SLC8A2: variants seen among roughly 807,000 people sequenced by gnomAD.
The protein encoded by SLC8A2 is sodium/calcium exchanger 2.
A neutral mutation model predicts 70.2 loss-of-function variants in SLC8A2; 14 were observed. The observed-to-expected ratio is 0.20, with a 90% CI of 0.13 to 0.31. The LOEUF is 0.31. SLC8A2 is among the 10% of genes least tolerant of loss of function. The pLI is 1.00. For missense variants in SLC8A2, 779 were observed against 1,320.1 expected (o/e 0.59, Z 6.35); for synonymous variants, 575 against 594.3 (o/e 0.97, Z 0.47).
chr19:47,452,800 G>A (rs879081420), intron 3 of SLC8A2, among the ~76,000 whole-genome samples: 53 of 152,126 alleles, frequency 3.5e-4, no homozygotes, highest in African/African-American at 1.3e-3. Context: ...TGGGAGGCCG[G>A]GGTGGATGGG....
chr19:47,447,432 A>C lies in SLC8A2; in HGVS notation c.1763+377T>G. On this transcript the variant is annotated intron_variant, in intron 4 of 9. Coordinates refer to ENST00000236877, the MANE Select transcript of SLC8A2 (RefSeq NM_015063.3). The surrounding 1 kb of genome is among the most constrained non-coding windows in gnomAD (Gnocchi z 5.1). ...CCTTCCTCCTTGGGGCCCTCTTCTCACCTGTCCGGCCACCCTTCTAGGCCT... is the reference window on the plus strand; with the variant it reads ...CCTTCCTCCTTGGGGCCCTCTTCTCCCCTGTCCGGCCACCCTTCTAGGCCT... 1 of 277,134 alleles carries C rather than the reference A, an allele frequency of 3.6e-6. No individual in the cohort carries two copies. Among genetic ancestry groups the C allele is most frequent in the Non-Finnish European group, 6.8e-6 (1 of 146,170 alleles). 17.2% of individuals were successfully genotyped at this position (277,134 alleles called of 1,614,324 possible). A position where few individuals can be genotyped will look rare whatever the true frequency, so the allele number is the denominator to read the frequency against.
chr19:47,456,839 A>G, intron 3 of SLC8A2, 91 bp downstream of exon 3: 1 of 1,231,414 alleles, frequency 8.1e-7, no homozygotes. Context: ...TGCAGGAGTC[A>G]GTTGGGAGGC....
At chr19:47,471,282 G>A (rs1042757581) in intron 1 of SLC8A2, among the ~76,000 whole-genome samples, 1 of 151,916 alleles carries the variant, frequency 6.6e-6, no homozygotes, top group East Asian at 1.9e-4. Flanking sequence ...GGCGCAAGAG[G>A]AAAGGAGAGA....
intron 2 of SLC8A2, among the ~76,000 whole-genome samples, chr19:47,462,819 C>T (rs1967412390): frequency 6.6e-6 from 1 of 152,056 alleles, no homozygotes; most frequent in African/African-American, 2.4e-5. Context: ...AACTCATGAC[C>T]TCAGGTGATC....
At chr19:47,439,390 G>C (rs146821870) in intron 6 of SLC8A2, among the ~76,000 whole-genome samples, 1 of 152,210 alleles carries the variant, frequency 6.6e-6, no homozygotes, top group Non-Finnish European at 1.5e-5. Context: ...AAATTAGCTA[G>C]GTGTGGTGGC....
intron 3 of SLC8A2, among the ~76,000 whole-genome samples, chr19:47,456,074 C>T (rs698701): frequency 0.99 from 150,696 of 152,362 alleles, 74,548 homozygotes; most frequent in Middle Eastern, 1. Flanking sequence ...TCCCATGGTA[C>T]ACCCATTGGC....
rs138290322 is a variant in SLC8A2 at position 47,469,004 on chromosome 19, C to T, written c.-16-2585G>A. 9.8e-3 allele frequency among the ~76,000 whole-genome samples: 1,494 copies of T among 152,236 alleles called. 22 individuals carry two copies. The highest frequency in any genetic ancestry group is 0.034 in the African/African-American group (1,413 of 41,536). ...CTGAGAGTCTAACCCACAGCCTGTC[C>T]CCAACTCACACCTACATACCCATGG... On this transcript the variant is annotated intron_variant, in intron 1 of 9. Coordinates refer to ENST00000236877, the MANE Select transcript of SLC8A2 (RefSeq NM_015063.3).
chr19:47,460,045 C>G (rs888600350), intron 2 of SLC8A2, among the ~76,000 whole-genome samples: 1 of 152,164 alleles, frequency 6.6e-6, no homozygotes, highest in African/African-American at 2.4e-5. Flanking sequence ...CCCCCATCAC[C>G]TGGGGGTGCC....
intron 8 of SLC8A2, 66 bp downstream of exon 8, chr19:47,437,396 C>T (rs556516578): frequency 1.8e-5 from 21 of 1,142,170 alleles, no homozygotes; most frequent in Admixed American, 6.9e-5. Context: ...CCATTCATTT[C>T]TCCCCCTTTC....
At chr19:47,438,110 C>T in intron 6 of SLC8A2, 137 bp from the exon 7 acceptor site, 1 of 1,025,020 alleles carries the variant, frequency 9.8e-7, no homozygotes. Context: ...CTCCTCCCAG[C>T]CTCCCACCTG....
At chr19:47,449,471 G>T (rs1029317727) in intron 3 of SLC8A2, among the ~76,000 whole-genome samples, 28 of 152,232 alleles carry the variant, frequency 1.8e-4, no homozygotes, top group African/African-American at 6.0e-4. Context: ...ACAGGCGCCT[G>T]CCACCATGCC....
At position 47,452,044 on chromosome 19, in the gene SLC8A2, T is replaced by C. The variant is rs140083195; in HGVS notation, c.1341-3813A>G. Among the ~76,000 whole-genome samples the C allele has an allele frequency of 2.8e-4, 43 of 152,212 alleles. 1 individual carries two copies. The Middle Eastern group carries it at 0.01, about 36-fold the overall frequency. Reference sequence around the variant, plus strand: ...GAAACACGGGCTGTGCATCACTCAATTGACGTTGAGTTAACAGTATCAATT... The same window carrying C: ...GAAACACGGGCTGTGCATCACTCAACTGACGTTGAGTTAACAGTATCAATT... On this transcript the variant is annotated intron_variant, in intron 3 of 9. Coordinates refer to ENST00000236877, the MANE Select transcript of SLC8A2 (RefSeq NM_015063.3).
chr19:47,447,732 G>T lies in SLC8A2; in HGVS notation c.1763+77C>A. The T allele has an allele frequency of 7.1e-7, 1 of 1,406,606 alleles. No individual in the cohort carries two copies. 87.1% of individuals were successfully genotyped at this position (1,406,606 alleles called of 1,614,324 possible). Reference sequence around the variant, plus strand: ...CACTATGTGGGCATGGCTCACCCAGGCCCCGCCCCTGAGCCACATCAGGCC... The same window carrying T: ...CACTATGTGGGCATGGCTCACCCAGTCCCCGCCCCTGAGCCACATCAGGCC... On this transcript the variant is annotated intron_variant, in intron 4 of 9. Coordinates refer to ENST00000236877, the MANE Select transcript of SLC8A2 (RefSeq NM_015063.3). This position sits in a 1 kb window ranked among gnomAD's most constrained non-coding sequence, Gnocchi z 5.1.
intron 3 of SLC8A2, among the ~76,000 whole-genome samples, chr19:47,456,555 A>G (rs1967305456): frequency 6.6e-6 from 1 of 152,192 alleles, no homozygotes; most frequent in Non-Finnish European, 1.5e-5. Context: ...AATCCCAGCA[A>G]CTCAAGAGGC....
intron 9 of SLC8A2, among the ~76,000 whole-genome samples, chr19:47,431,110 C>T (rs1966952404): frequency 6.6e-6 from 1 of 152,042 alleles, no homozygotes; most frequent in Non-Finnish European, 1.5e-5. Flanking sequence ...CTCACTGCAG[C>T]CTCATTTTCC....
In SLC8A2 at chr19:47,465,621, G is replaced by C; in HGVS notation, c.675+108C>G. 2 of 967,952 alleles carry C rather than the reference G, an allele frequency of 2.1e-6. No homozygotes were observed. The highest frequency in any genetic ancestry group is 3.0e-6 in the Non-Finnish European group (2 of 657,302). The allele number at this position is 967,952 out of a possible 1,614,324, so 60.0% of individuals were successfully genotyped here. ...CGTACTTGGCAGCCCTCTCAGATGT[G>C]AGTGTGCATTTCTGCAAATACAGCA... On this transcript the variant is annotated intron_variant, in intron 2 of 9. Transcript: ENST00000236877. The surrounding 1 kb of genome is among the most constrained non-coding windows in gnomAD (Gnocchi z 5.5).
At chr19:47,444,563 C>A (rs987245133) in intron 4 of SLC8A2, among the ~76,000 whole-genome samples, 3 of 152,220 alleles carry the variant, frequency 2.0e-5, no homozygotes, top group Non-Finnish European at 4.4e-5. Flanking sequence ...CACACCCTGA[C>A]ACACACAGAC....
intron 4 of SLC8A2, among the ~76,000 whole-genome samples, chr19:47,444,979 C>G (rs1967142595): frequency 1.3e-5 from 2 of 152,272 alleles, no homozygotes; most frequent in South Asian, 2.1e-4. Flanking sequence ...GGGTCAGTCT[C>G]TCTCCTCCAT....
rs1186643529 is a variant in SLC8A2 at position 47,430,359 on chromosome 19, G to A, written c.2496C>T (p.Val832=). The A allele has an allele frequency of 6.2e-7, 1 of 1,612,072 alleles. No individual in the cohort carries two copies. The highest frequency in any genetic ancestry group is 8.5e-7 in the Non-Finnish European group (1 of 1,179,474). Residue 832 remains valine, a synonymous_variant, in exon 10 of 10, where the codon GTC becomes GTT. Transcript: ENST00000236877. This position sits in a 1 kb window ranked among gnomAD's most constrained non-coding sequence, Gnocchi z 5.9. ...AGTACACGGCGGCCACAGACCAGGCGACGCCCAGGCCAAGGAACACGTTCA... is the reference window on the plus strand; with the variant it reads ...AGTACACGGCGGCCACAGACCAGGCAACGCCCAGGCCAAGGAACACGTTCA... ...NAVNVFLGLG[V]AWSVAAVYWA...
Sources: allele counts gnomAD v4.1 joint callset (sites outside exome capture counted in the v4.1 genomes callset), GRCh38; gene constraint gnomAD v4.1.1; non-coding constraint Gnocchi (gnomAD v3.1); transcripts MANE v1.5; gene names NCBI Gene and HGNC (gene_info 2026-07-23, HGNC 2026-07-21).